DOK6: variants seen among roughly 807,000 people sequenced by gnomAD.
The protein encoded by DOK6 is downstream of tyrosine kinase 6.
In DOK6, 22 loss-of-function variants were observed where a neutral mutation model predicts 44.0. The ratio of observed to expected loss-of-function variants is 0.50; its 90% CI spans 0.36 to 0.71. The LOEUF is 0.71. Ranked by LOEUF, DOK6 falls within the 30% of genes least tolerant of loss-of-function variation. DOK6 has a pLI of 0.00. For missense variants in DOK6, 340 were observed against 416.4 expected, an observed-to-expected ratio of 0.82 and a Z score of 1.60; for synonymous variants, 166 against 145.5, an observed-to-expected ratio of 1.14 and a Z score of -1.01.
intron 3 of DOK6, among the ~76,000 whole-genome samples, chr18:69,652,304 A>T (rs893684168): frequency 2.6e-5 from 4 of 152,244 alleles, no homozygotes; most frequent in African/African-American, 9.6e-5. Context: ...AACTATTTTT[A>T]ATTTTGTTCA....
chr18:69,560,942 A>T (rs113930797), intron 1 of DOK6, among the ~76,000 whole-genome samples: 1 of 151,948 alleles, frequency 6.6e-6, no homozygotes, highest in African/African-American at 2.4e-5. Context: ...TTAAAAAATT[A>T]TATGGTGCTC....
At chr18:69,607,966 T>G (rs914113621) in intron 3 of DOK6, among the ~76,000 whole-genome samples, 4 of 152,200 alleles carry the variant, frequency 2.6e-5, no homozygotes, top group African/African-American at 9.6e-5. Context: ...TGTTAACAAT[T>G]ACAGTTATGC....
At chr18:69,467,156 C>T (rs10513961) in intron 1 of DOK6, among the ~76,000 whole-genome samples, 30,219 of 151,778 alleles carry the variant, frequency 0.2, 3,305 homozygotes, top group Non-Finnish European at 0.25. Context: ...TGTTGTAAAC[C>T]AAAGAGGAGG....
chr18:69,747,670 A>T (rs896892620), intron 6 of DOK6, among the ~76,000 whole-genome samples: 1 of 151,882 alleles, frequency 6.6e-6, no homozygotes, highest in Non-Finnish European at 1.5e-5. Context: ...ACTGTTTTCT[A>T]TTGGGAGCTC....
rs567539691 is a variant in DOK6, at chr18:69,556,890, T to C, written c.67-7597T>C. Reference sequence around the variant, plus strand: ...TGACTACTTTTTTACACAAACCAAGTGTGTCTTTCAATAGTACTACACACG... The same window carrying C: ...TGACTACTTTTTTACACAAACCAAGCGTGTCTTTCAATAGTACTACACACG... On this transcript the variant is annotated intron_variant, in intron 1 of 7. Coordinates refer to ENST00000382713, the MANE Select transcript of DOK6 (RefSeq NM_152721.6). Among the ~76,000 whole-genome samples, 197 of 152,336 alleles carry C rather than the reference T, an allele frequency of 1.3e-3. 1 individual carries two copies. Among genetic ancestry groups the C allele is most frequent in the African/African-American group, 4.6e-3 (191 of 41,578 alleles).
intron 3 of DOK6, among the ~76,000 whole-genome samples, chr18:69,630,278 A>G (rs1343645989): frequency 6.6e-6 from 1 of 152,192 alleles, no homozygotes; most frequent in Non-Finnish European, 1.5e-5. Context: ...TGATGTTTCA[A>G]AAGCCAACTG....
intron 7 of DOK6, among the ~76,000 whole-genome samples, chr18:69,817,516 C>T (rs778238677): frequency 5.9e-5 from 9 of 152,170 alleles, no homozygotes; most frequent in East Asian, 1.9e-4. Flanking sequence ...TGCAGACAGC[C>T]GCCTTCTCAC....
rs1982384623 is a variant in DOK6 at position 69,847,991 on chromosome 18, C to T, written c.*6608C>T. 1 of 149,662 alleles carries T rather than the reference C, an allele frequency of 6.7e-6. No homozygotes were observed. The allele number at this position is 149,662 out of a possible 1,614,324, so 9.3% of individuals were successfully genotyped here. The stretch of plus-strand genomic sequence containing the variant: ...GGAGACTTTCCAAGACCTGCAGAGG[C>T]CCCCTCCACCCCAACCTTAGTGCAT... On this transcript the variant is annotated 3_prime_UTR_variant, in exon 8 of 8. Transcript: ENST00000382713.
At chr18:69,824,152 G>A (rs189038244) in intron 7 of DOK6, among the ~76,000 whole-genome samples, 34 of 150,456 alleles carry the variant, frequency 2.3e-4, no homozygotes, top group East Asian at 4.0e-4. Context: ...CCATTAACTC[G>A]TCATTTAACA....
chr18:69,740,372 A>G (rs1978761736), intron 6 of DOK6, among the ~76,000 whole-genome samples: 1 of 152,214 alleles, frequency 6.6e-6, no homozygotes, highest in Non-Finnish European at 1.5e-5. Context: ...AGAGTCATGC[A>G]TATTGATCAT....
chr18:69,795,715 A>C (rs924560757), intron 7 of DOK6, among the ~76,000 whole-genome samples: 1 of 152,172 alleles, frequency 6.6e-6, no homozygotes, highest in African/African-American at 2.4e-5. Flanking sequence ...ATTTAATGAC[A>C]GCCCGTTTGG....
chr18:69,749,114 A>G (rs1979083836), intron 6 of DOK6, among the ~76,000 whole-genome samples: 1 of 151,614 alleles, frequency 6.6e-6, no homozygotes, highest in African/African-American at 2.4e-5. Context: ...ATGAGAACAC[A>G]TGGACACAGG....
At chr18:69,664,674 G>T (rs1479313910) in intron 3 of DOK6, among the ~76,000 whole-genome samples, 1 of 152,066 alleles carries the variant, frequency 6.6e-6, no homozygotes, top group Non-Finnish European at 1.5e-5. Flanking sequence ...CAGACTGTGT[G>T]CATTTAAAGG....
chr18:69,544,575 T>C (rs17081215), intron 1 of DOK6, among the ~76,000 whole-genome samples: 7,315 of 151,404 alleles, frequency 0.048, 595 homozygotes, highest in African/African-American at 0.16. Flanking sequence ...ATCAGAAGCA[T>C]TGAGAAGTTT....
At chr18:69,546,636 A>G (rs1193277351) in intron 1 of DOK6, among the ~76,000 whole-genome samples, 1 of 151,572 alleles carries the variant, frequency 6.6e-6, no homozygotes, top group African/African-American at 2.4e-5. Flanking sequence ...ATCACTATGG[A>G]CTGCTTGGTG....
chr18:69,699,787 T>C (rs1568337494), intron 5 of DOK6, among the ~76,000 whole-genome samples: 3 of 152,200 alleles, frequency 2.0e-5, no homozygotes, highest in African/African-American at 7.2e-5. Flanking sequence ...TTCACTGACC[T>C]AAAATCTATG....
chr18:69,828,964 C>G (rs1981828218), intron 7 of DOK6, among the ~76,000 whole-genome samples: 1 of 139,824 alleles, frequency 7.2e-6, no homozygotes, highest in South Asian at 2.4e-4. Context: ...TATAAATTAA[C>G]ATTTGGGTAA....
At chr18:69,742,693 G>A (rs1424974540) in intron 6 of DOK6, among the ~76,000 whole-genome samples, 1 of 152,204 alleles carries the variant, frequency 6.6e-6, no homozygotes, top group Non-Finnish European at 1.5e-5. Context: ...CAAGAGGAGA[G>A]CAAGAAAGTT....
At chr18:69,599,302 T>C in intron 2 of DOK6, 82 bp from the exon 3 acceptor site, 1 of 971,150 alleles carries the variant, frequency 1.0e-6, no homozygotes. Flanking sequence ...TGTAAGACTG[T>C]GATAACTTAT....
Sources: allele counts gnomAD v4.1 joint callset (sites outside exome capture counted in the v4.1 genomes callset), GRCh38; gene constraint gnomAD v4.1.1; transcripts MANE v1.5; gene names NCBI Gene and HGNC (gene_info 2026-07-23, HGNC 2026-07-21).